CNTN5: variants seen among roughly 807,000 people sequenced by gnomAD.
CNTN5 encodes contactin 5.
Under a neutral mutation model 129.1 loss-of-function variants are expected in CNTN5, and 77 were observed. The observed-to-expected ratio is 0.60, with a 90% CI of 0.50 to 0.72. CNTN5 has a LOEUF of 0.72. Among genes scored for constraint, CNTN5 ranks in the 30% least tolerant of loss-of-function variants. The probability of loss-of-function intolerance (pLI) is 0.00; values close to 1 mark genes in which losing one functional copy is unlikely to be tolerated. For missense variants in CNTN5, 1,478 were observed against 1,328.8 expected (o/e 1.11, Z -1.75); for synonymous variants, 509 against 465.6 (o/e 1.09, Z -1.20).
Position 99,308,984 on chromosome 11 carries a change from A to C in CNTN5, c.-209-16362A>C, listed in dbSNP as rs1212615551. Among the ~76,000 whole-genome samples the C allele has an allele frequency of 2.0e-5, 3 of 152,236 alleles. No individual in the cohort carries two copies. In the East Asian group the frequency reaches 5.8e-4, roughly 29 times the overall value. ...ATTTTATTCCTTATACAAAATATAC[A>C]TTTGATTTTGTATATATTGTATTCT... On this transcript the variant is annotated intron_variant, in intron 1 of 24. Coordinates refer to ENST00000524871, the MANE Select transcript of CNTN5 (RefSeq NM_014361.4).
At chr11:99,309,164 T>G in intron 1 of CNTN5, among the ~76,000 whole-genome samples, 1 of 152,018 alleles carries the variant, frequency 6.6e-6, no homozygotes, top group African/African-American at 2.4e-5. Flanking sequence ...TTTATTAATA[T>G]CAGTCACTTT....
chr11:99,476,407 T>G (rs1282270191), intron 2 of CNTN5, among the ~76,000 whole-genome samples: 1 of 152,154 alleles, frequency 6.6e-6, no homozygotes, highest in Non-Finnish European at 1.5e-5. Context: ...TTTCTATTCC[T>G]AATGTAATAA....
chr11:99,226,901 A>G (rs1860716220), intron 1 of CNTN5, among the ~76,000 whole-genome samples: 1 of 152,148 alleles, frequency 6.6e-6, no homozygotes, highest in African/African-American at 2.4e-5. Context: ...AACTTTCTTG[A>G]TCATTAGTTA....
chr11:100,204,343 T>TATATAA (rs1201876860), intron 15 of CNTN5, among the ~76,000 whole-genome samples: 11 of 111,430 alleles, frequency 9.9e-5, no homozygotes, highest in African/African-American at 3.0e-4. Context: ...TATATATATA[T>TATATAA]AATTATAGGC....
At chr11:99,552,159 T>A (rs925955014) in intron 2 of CNTN5, among the ~76,000 whole-genome samples, 2 of 151,622 alleles carry the variant, frequency 1.3e-5, no homozygotes, top group South Asian at 4.1e-4. Context: ...CTGCCTGCCT[T>A]GCCTCCCAAA....
chr11:100,116,417 A>T (rs1045906962), intron 13 of CNTN5, among the ~76,000 whole-genome samples: 2 of 152,018 alleles, frequency 1.3e-5, no homozygotes, highest in African/African-American at 4.8e-5. Flanking sequence ...CTAATAAAAA[A>T]AATTTGGTGA....
intron 8 of CNTN5, among the ~76,000 whole-genome samples, chr11:99,994,334 T>A (rs1034891797): frequency 6.6e-6 from 1 of 152,162 alleles, no homozygotes; most frequent in African/African-American, 2.4e-5. Flanking sequence ...CTTGGTACCT[T>A]ACTTAATAAA....
At chr11:99,519,893 G>T (rs147578312) in intron 2 of CNTN5, among the ~76,000 whole-genome samples, 1 of 151,956 alleles carries the variant, frequency 6.6e-6, no homozygotes. Flanking sequence ...TTACCCCTAA[G>T]GAATCAGGAG....
intron 17 of CNTN5, among the ~76,000 whole-genome samples, chr11:100,258,126 G>C (rs1269190981): frequency 6.6e-6 from 1 of 152,022 alleles, no homozygotes; most frequent in Non-Finnish European, 1.5e-5. Context: ...ACAGCACGAG[G>C]ACTTTGTGAA....
At chr11:100,076,643 T>C (rs562584927) in intron 13 of CNTN5, among the ~76,000 whole-genome samples, 1 of 152,094 alleles carries the variant, frequency 6.6e-6, no homozygotes, top group African/African-American at 2.4e-5. Flanking sequence ...CCAGTCAAAG[T>C]GTTGTTTAGG....
chr11:99,287,904 A>T, intron 1 of CNTN5, among the ~76,000 whole-genome samples: 1 of 151,962 alleles, frequency 6.6e-6, no homozygotes, highest in East Asian at 1.9e-4. Context: ...TGAAAAAAGA[A>T]GGAAAAAGAG....
intron 2 of CNTN5, among the ~76,000 whole-genome samples, chr11:99,332,772 TA>T (rs1295148519): frequency 1.3e-5 from 2 of 152,038 alleles, no homozygotes; most frequent in Non-Finnish European, 2.9e-5. Context: ...TAATGTATGG[TA>T]AATTAACTAA....
chr11:99,139,937 G>T (rs11218532), intron 1 of CNTN5, among the ~76,000 whole-genome samples: 89,008 of 151,960 alleles, frequency 0.59, 26,330 homozygotes, highest in African/African-American at 0.65. Flanking sequence ...AAAAACCTCA[G>T]ATCGATATTA....
At chr11:99,197,725 C>T (rs561030863) in intron 1 of CNTN5, among the ~76,000 whole-genome samples, 3 of 152,184 alleles carry the variant, frequency 2.0e-5, no homozygotes, top group East Asian at 1.9e-4. Context: ...GCCTGCTATT[C>T]TCAGTGCTTA....
At chr11:100,333,292 C>A (rs547997204) in intron 21 of CNTN5, among the ~76,000 whole-genome samples, 1 of 150,420 alleles carries the variant, frequency 6.6e-6, no homozygotes. Flanking sequence ...AATTGAAACA[C>A]ATCATGCTCA....
At chr11:99,851,745 T>G (rs1003919914) in intron 6 of CNTN5, among the ~76,000 whole-genome samples, 1 of 152,238 alleles carries the variant, frequency 6.6e-6, no homozygotes, top group Non-Finnish European at 1.5e-5. Context: ...CTTGAAGCAG[T>G]TGATTAAAAT....
intron 13 of CNTN5, among the ~76,000 whole-genome samples, chr11:100,150,341 G>T (rs1286059608): frequency 6.6e-6 from 1 of 152,030 alleles, no homozygotes; most frequent in African/African-American, 2.4e-5. Flanking sequence ...TTTGTATCCA[G>T]AATTATTATT....
chr11:99,801,100 G>A (rs1054225032), intron 3 of CNTN5, among the ~76,000 whole-genome samples: 4 of 152,098 alleles, frequency 2.6e-5, no homozygotes, highest in Non-Finnish European at 4.4e-5. Context: ...TATTACTACC[G>A]TAAGAGCCTC....
chr11:99,789,090 A>T (rs935174318), intron 3 of CNTN5, among the ~76,000 whole-genome samples: 3 of 151,956 alleles, frequency 2.0e-5, no homozygotes, highest in Non-Finnish European at 4.4e-5. Context: ...AAAAAAAATT[A>T]TAAGAAATAG....
Sources: gnomAD v4.1 joint callset for allele counts (sites outside exome capture counted in the v4.1 genomes callset) on GRCh38, gnomAD v4.1.1 for gene constraint, MANE v1.5 for transcripts, NCBI Gene and HGNC (gene_info 2026-07-23, HGNC 2026-07-21) for gene names.